Variants in FLG observed in about 807,000 individuals in gnomAD.
FLG encodes the protein epidermal filaggrin.
In FLG, 6 loss-of-function variants were observed where a neutral mutation model predicts 3.8. That is an observed-to-expected ratio of 1.60 (90% CI 0.87 to 3.15). The LOEUF is 3.15. Among genes scored for constraint, FLG ranks in the 30% most tolerant of loss-of-function variants. The pLI, the probability that FLG is intolerant of heterozygous loss-of-function variation, is 0.00. For synonymous variants in FLG, 2,551 were observed against 1,931.6 expected (o/e 1.32, Z -8.41); for missense variants, 7,595 against 5,050.9 (o/e 1.50, Z -15.27).
At position 152,311,308 on chromosome 1, in the gene FLG, G is replaced by C; in HGVS notation, c.3578C>G (p.Ser1193Cys). 6.2e-7 allele frequency: 1 copy of C among 1,613,794 alleles called. No individual in the cohort carries two copies. Among genetic ancestry groups the C allele is most frequent in the Non-Finnish European group, 8.5e-7 (1 of 1,179,952 alleles). Residue 1193 changes from serine (S) to cysteine (C), a missense_variant, in exon 3 of 3, where the codon TCC becomes TGC. Physicochemically the swap from Ser to Cys is moderately radical, Grantham distance 112. Coordinates refer to ENST00000368799, the MANE Select transcript of FLG (RefSeq NM_002016.2). The part of the protein sequence containing the change: ...QSVDRSGHSG[S>C]HHSHTTSQGR... ...CTGGGATGTGGTGTGGCTGTGATGG[G>C]ACCCTGAGTGTCCAGATCTATCTAC...
At position 152,303,846 on chromosome 1, in the gene FLG, T is replaced by G; in HGVS notation, c.11040A>C (p.Ser3680=). The G allele has an allele frequency of 6.2e-7, 1 of 1,613,800 alleles. No homozygotes were observed. The highest frequency in any genetic ancestry group is 1.1e-5 in the South Asian group (1 of 91,046). ...GATGGGGCCCAGCCTGTCCGTGGGC[T>G]GACACTGACTGTGTGTCTGAGTCTT... ...HSEDSDTQSV[S]AHGQAGPHQQ... Residue 3680 remains serine (S), a synonymous_variant, in exon 3 of 3, where the codon TCA becomes TCC. Transcript: ENST00000368799.
Position 152,302,807 on chromosome 1 carries a change from A to G in FLG, c.12079T>C (p.Tyr4027His), listed in dbSNP as rs1651689586. The change falls in exon 3 of 3, where the codon TAT becomes CAT. Residue 4027 changes from tyrosine to histidine, a missense_variant. Coordinates refer to ENST00000368799, the MANE Select transcript of FLG (RefSeq NM_002016.2). ...TCCTTATTAATATACGTTGCATAAT[A>G]CCTTGGATGATCTTTACCAAACGCA... ...ASAFGKDHPRYYATYINKDPG... is the reference protein window; with the variant it reads ...ASAFGKDHPRHYATYINKDPG... 1 of 1,614,070 alleles carries G rather than the reference A, an allele frequency of 6.2e-7. No individual in the cohort carries two copies. The highest frequency in any genetic ancestry group is 1.7e-5 in the Admixed American group (1 of 60,002).
At position 152,312,036 on chromosome 1, in the gene FLG, A is replaced by G. The variant is rs753954738; in HGVS notation, c.2850T>C (p.Ser950=). The change falls in exon 3 of 3, where the codon AGT becomes AGC. Residue 950 remains serine, a synonymous_variant. Coordinates refer to ENST00000368799, the MANE Select transcript of FLG (RefSeq NM_002016.2). ...AGTCTTCTGAATGTCCCTCACTGTC[A>G]CTGTCCTGGCTAACACTGGATCCCT... ...RRQGSSVSQD[S]DSEGHSEDSE... 8 of 1,613,974 alleles carry G rather than the reference A, an allele frequency of 5.0e-6. No individual in the cohort carries two copies.
At position 152,308,371 on chromosome 1, in the gene FLG, G is replaced by T; in HGVS notation, c.6515C>A (p.Thr2172Lys). The change falls in exon 3 of 3, where the codon ACA becomes AAA. Residue 2172 changes from threonine to lysine, a missense_variant. Transcript: ENST00000368799. ...GHSGSHHSHT[T>K]SQGRSDASRG... ...GGAGGCATCAGACCTTCCCTGGGAT[G>T]TGGTGTGGCTGTGATGAGACCCTGA... 6.2e-7 allele frequency: 1 copy of T among 1,613,712 alleles called. No individual in the cohort carries two copies. Among genetic ancestry groups the T allele is most frequent in the South Asian group, 1.1e-5 (1 of 91,052 alleles).
chr1:152,313,566 G>A lies in FLG; in HGVS notation c.1320C>T (p.His440=), dbSNP rs376019219. The change falls in exon 3 of 3, where the codon CAC becomes CAT. Residue 440 remains histidine, a synonymous_variant. Coordinates refer to ENST00000368799, the MANE Select transcript of FLG (RefSeq NM_002016.2). ...TCTGCTGTCTCAGCCCAGCCTTTCCGTGGCCTGACACTGATTGTGTGTCTG... is the reference window on the plus strand; with the variant it reads ...TCTGCTGTCTCAGCCCAGCCTTTCCATGGCCTGACACTGATTGTGTGTCTG... ...ENSDTQSVSG[H]GKAGLRQQSH... is the part of the protein sequence containing the mutation. 104 of 1,613,808 alleles carry A rather than the reference G, an allele frequency of 6.4e-5. No individual in the cohort carries two copies. The highest frequency in any genetic ancestry group is 1.4e-4 in the South Asian group (13 of 91,066).
chr1:152,304,523 C>G lies in FLG; in HGVS notation c.10363G>C (p.Asp3455His). The G allele has an allele frequency of 1.2e-6, 2 of 1,612,508 alleles. No homozygotes were observed. The highest frequency in any genetic ancestry group is 1.7e-6 in the Non-Finnish European group (2 of 1,179,424). Residue 3455 changes from aspartate (D) to histidine (H), a missense_variant, in exon 3 of 3, where the codon GAT (aspartate) becomes CAT (histidine). Physicochemically the swap from Asp to His is moderately conservative, Grantham distance 81 (BLOSUM62 -1). Transcript: ENST00000368799. ...TGGGACCCTGAGTGTCCAGACCTAT[C>G]TACCGATTGCTCGTAGTGGGATCCC... ...RQGSHYEQSV[D>H]RSGHSGSHHS...
rs759249300 is a variant in FLG, at chr1:152,311,436, T to C, written c.3450A>G (p.Arg1150=). The C allele has an allele frequency of 4.3e-6, 7 of 1,613,842 alleles. No homozygotes were observed. The highest frequency in any genetic ancestry group is 5.1e-6 in the Non-Finnish European group (6 of 1,179,966). Residue 1150 remains arginine (R), a synonymous_variant, in exon 3 of 3, where the codon CGA becomes CGG. Coordinates refer to ENST00000368799, the MANE Select transcript of FLG (RefSeq NM_002016.2). The stretch of plus-strand genomic sequence containing the variant: ...GGGACGCTGAGTGCCTGGAGCTGTC[T>C]CGTGCCTGCTCGTGGTGGGATCCTT... ...RRQGSHHEQA[R]DSSRHSASQE... is the part of the protein sequence containing the mutation.
At position 152,308,244 on chromosome 1, in the gene FLG, G is replaced by A. The variant is rs765848278; in HGVS notation, c.6642C>T (p.Ser2214=). The change falls in exon 3 of 3, where the codon TCC becomes TCT. Residue 2214 remains serine (S), a synonymous_variant. Coordinates refer to ENST00000368799, the MANE Select transcript of FLG (RefSeq NM_002016.2). ...AGTGTCTAGAGCTGTCGGCCCAAGAGGAAGCTTCATGATGATGCGACCCTG... is the reference window on the plus strand; with the variant it reads ...AGTGTCTAGAGCTGTCGGCCCAAGAAGAAGCTTCATGATGATGCGACCCTG... The part of the protein sequence containing the change: ...RHSGSHHHEA[S]SWADSSRHSL... 4 of 1,614,014 alleles carry A rather than the reference G, an allele frequency of 2.5e-6. No individual in the cohort carries two copies. Among genetic ancestry groups the A allele is most frequent in the East Asian group, 4.5e-5 (2 of 44,866 alleles).
chr1:152,303,716 G>T lies in FLG; in HGVS notation c.11170C>A (p.His3724Asn), dbSNP rs762991988. The change falls in exon 3 of 3, where the codon CAT becomes AAT. Residue 3724 changes from histidine to asparagine, a missense_variant. By Grantham distance (68) the His-to-Asn change is moderately conservative (BLOSUM62 1). Transcript: ENST00000368799. Reference protein sequence around the residue: ...VSTHEQSESAHGRAGPSTGGR... With the variant: ...VSTHEQSESANGRAGPSTGGR... ...CCAGTACTGGGCCCAGCCCGTCCAT[G>T]GGCAGACTCAGACTGTTCATGAGTG... The T allele has an allele frequency of 6.2e-7, 1 of 1,613,884 alleles. No individual in the cohort carries two copies. The highest frequency in any genetic ancestry group is 1.3e-5 in the African/African-American group (1 of 74,898).
At position 152,305,153 on chromosome 1, in the gene FLG, C is replaced by A. The variant is rs541679286; in HGVS notation, c.9733G>T (p.Glu3245Ter). 18 of 1,613,878 alleles carry A rather than the reference C, an allele frequency of 1.1e-5. No homozygotes were observed. Among genetic ancestry groups the A allele is most frequent in the Admixed American group, 5.0e-5 (3 of 59,986 alleles). ...TGTCTGGAGCCGTGCCTTGACTGCTCCTGAACAGATCCACGATGGTTTCTG... is the reference window on the plus strand; with the variant it reads ...TGTCTGGAGCCGTGCCTTGACTGCTACTGAACAGATCCACGATGGTTTCTG... ...ASRNHRGSVQ[E>*]QSRHGSRHPR... Residue 3245 changes from glutamate to a stop codon, truncating the protein, a stop_gained, in exon 3 of 3, where the codon GAG (glutamate) becomes TAG (stop). Coordinates refer to ENST00000368799, the MANE Select transcript of FLG (RefSeq NM_002016.2). LOFTEE classifies it low-confidence loss of function (END_TRUNC).
In FLG at chr1:152,312,942, A is replaced by T. The variant is rs775212713; in HGVS notation, c.1944T>A (p.Ser648=). The T allele has an allele frequency of 1.2e-6, 2 of 1,614,012 alleles. No individual in the cohort carries two copies. The highest frequency in any genetic ancestry group is 4.5e-5 in the East Asian group (2 of 44,860). The part of the protein sequence containing the change: ...SGSASRNHHG[S]AQEQSRDGSR... ...AGCCATCTCTTGACTGCTCCTGAGC[A>T]GATCCATGATGGTTTCTGGAAGCAG... Residue 648 remains serine, a synonymous_variant, in exon 3 of 3, where the codon TCT becomes TCA. Transcript: ENST00000368799.
In FLG at chr1:152,308,183, T is replaced by G; in HGVS notation, c.6703A>C (p.Thr2235Pro). ...VGQGQSSGPRTSRPRGSSVSQ... is the reference protein window; with the variant it reads ...VGQGQSSGPRPSRPRGSSVSQ... ...ACACTGGATCCCCGGGGCCTGCTTGTCCTGGGCCCTGATGATTGTCCCTGG... is the reference window on the plus strand; with the variant it reads ...ACACTGGATCCCCGGGGCCTGCTTGGCCTGGGCCCTGATGATTGTCCCTGG... Residue 2235 changes from threonine (T) to proline (P), a missense_variant, in exon 3 of 3, where the codon ACA becomes CCA. Thr to Pro is a conservative substitution (Grantham distance 38, BLOSUM62 -1). Coordinates refer to ENST00000368799, the MANE Select transcript of FLG (RefSeq NM_002016.2). The G allele has an allele frequency of 6.2e-7, 1 of 1,613,896 alleles. No homozygotes were observed. Among genetic ancestry groups the G allele is most frequent in the African/African-American group, 1.3e-5 (1 of 74,950 alleles).
chr1:152,313,164 CT>C lies in FLG; in HGVS notation c.1721del (p.Glu574GlyfsTer224), dbSNP rs745463158. 2 of 1,613,842 alleles carry C rather than the reference CT, an allele frequency of 1.2e-6. No individual in the cohort carries two copies. Among genetic ancestry groups the C allele is most frequent in the South Asian group, 2.2e-5 (2 of 91,058 alleles). ...SRSASRQTRN[E>X]EQSGDGTRHS... Reference sequence around the variant, plus strand: ...GCCTGGTGCCGTCTCCTGATTGTTCCTCATTTCGTGTTTGTCTGCTTGCACT... The same window carrying C: ...GCCTGGTGCCGTCTCCTGATTGTTCCCATTTCGTGTTTGTCTGCTTGCACT... On this transcript the variant is annotated frameshift_variant, in exon 3 of 3. Transcript: ENST00000368799. LOFTEE classifies it low-confidence loss of function (END_TRUNC).
At position 152,303,739 on chromosome 1, in the gene FLG, G is replaced by C. The variant is rs376649222; in HGVS notation, c.11147C>G (p.Thr3716Ser). The change falls in exon 3 of 3, where the codon ACT becomes AGT. Residue 3716 changes from threonine to serine, a missense_variant. Physicochemically the swap from Thr to Ser is moderately conservative, Grantham distance 58. Coordinates refer to ENST00000368799, the MANE Select transcript of FLG (RefSeq NM_002016.2). ...RSGSFLYQVSTHEQSESAHGR... is the reference protein window; with the variant it reads ...RSGSFLYQVSSHEQSESAHGR... Reference sequence around the variant, plus strand: ...ATGGGCAGACTCAGACTGTTCATGAGTGCTCACCTGGTAGAGGAAAGACCC... The same window carrying C: ...ATGGGCAGACTCAGACTGTTCATGACTGCTCACCTGGTAGAGGAAAGACCC... 6.2e-7 allele frequency: 1 copy of C among 1,613,880 alleles called. No homozygotes were observed. Among genetic ancestry groups the C allele is most frequent in the Non-Finnish European group, 8.5e-7 (1 of 1,179,976 alleles).
Position 152,305,068 on chromosome 1 carries a change from T to G in FLG, c.9818A>C (p.Gln3273Pro). The G allele has an allele frequency of 6.2e-7, 1 of 1,613,872 alleles. No individual in the cohort carries two copies. The highest frequency in any genetic ancestry group is 8.5e-7 in the Non-Finnish European group (1 of 1,179,952). Residue 3273 changes from glutamine (Q) to proline (P), a missense_variant, in exon 3 of 3, where the codon CAA becomes CCA. By Grantham distance (76) the Gln-to-Pro change is moderately conservative. Transcript: ENST00000368799. ...GHGHSADRSR[Q>P]SGTRHAETSS... is the part of the protein sequence containing the mutation. ...AGTCTCTGCGTGACGAGTGCCTGAT[T>G]GTCTGGAGCGGTCTGCAGAGTGCCC... is the stretch of plus-strand genomic sequence containing the variant.
In FLG at chr1:152,311,215, T is replaced by C. The variant is rs779459012; in HGVS notation, c.3671A>G (p.Lys1224Arg). 2.5e-6 allele frequency: 4 copies of C among 1,613,850 alleles called. No homozygotes were observed. The Admixed American group carries it at 6.7e-5, about 27-fold the overall frequency. The stretch of plus-strand genomic sequence containing the variant: ...GTGCCTGGAGCCGTCTCCTGATTGT[T>C]TGTCCTTACGAGTTTGTCTGCTTGC... Reference protein sequence around the residue: ...RSASRQTRKDKQSGDGSRHSG... With the variant: ...RSASRQTRKDRQSGDGSRHSG... Residue 1224 changes from lysine (K) to arginine (R), a missense_variant, in exon 3 of 3, where the codon AAA becomes AGA. Transcript: ENST00000368799.
chr1:152,314,843 G>T, intron 2 of FLG, 96 bp from the exon 3 acceptor site: 2 of 1,464,550 alleles, frequency 1.4e-6, no homozygotes, highest in Non-Finnish European at 9.4e-7. Context: ...TGATCTTTGA[G>T]TATTAAAAAG....
In FLG at chr1:152,302,313, T is replaced by A; in HGVS notation, c.*387A>T. 4.3e-6 allele frequency: 1 copy of A among 232,120 alleles called. No individual in the cohort carries two copies. Among genetic ancestry groups the A allele is most frequent in the Non-Finnish European group, 8.4e-6 (1 of 118,452 alleles). The allele number at this position is 232,120 out of a possible 1,614,324, so 14.4% of individuals were successfully genotyped here. A position where few individuals can be genotyped will look rare whatever the true frequency, so the allele number is the denominator to read the frequency against. ...CTAGCCCTGATGTTGATATAGCCAC[T>A]TTGGTATACAGAACTGTTTTATATT... On this transcript the variant is annotated 3_prime_UTR_variant, in exon 3 of 3. Coordinates refer to ENST00000368799, the MANE Select transcript of FLG (RefSeq NM_002016.2).
chr1:152,309,706 T>C lies in FLG; in HGVS notation c.5180A>G (p.Glu1727Gly), dbSNP rs1422656797. ...TGACACTGACTGTGTGTCTGACTCT[T>C]CTGAGTGTCCCTCGCTGTCACTGGC... ...SQASDSEGHS[E>G]ESDTQSVSAH... The change falls in exon 3 of 3, where the codon GAA (glutamate) becomes GGA (glycine). Residue 1727 changes from glutamate to glycine, a missense_variant. Transcript: ENST00000368799. The C allele has an allele frequency of 1.1e-5, 17 of 1,613,928 alleles. No individual in the cohort carries two copies. The highest frequency in any genetic ancestry group is 1.4e-5 in the Non-Finnish European group (16 of 1,180,002).
Sources: gnomAD v4.1 joint callset for allele counts on GRCh38, gnomAD v4.1.1 for gene constraint, MANE v1.5 for transcripts, NCBI Gene and HGNC (gene_info 2026-07-23, HGNC 2026-07-21) for gene names.